The following IRX2 variants were observed in gnomAD, a reference collection of about 807,000 sequenced individuals.
IRX2 encodes the protein iroquois homeobox 2.
Under a neutral mutation model 42.9 loss-of-function variants are expected in IRX2, and 26 were observed. The ratio of observed to expected loss-of-function variants is 0.61; its 90% confidence interval spans 0.44 to 0.84. IRX2 has a LOEUF of 0.84. Among genes scored for constraint, IRX2 ranks in the 40% least tolerant of loss-of-function variants. The probability of loss-of-function intolerance (pLI) is 0.00; values close to 1 mark genes in which losing one functional copy is unlikely to be tolerated. For synonymous variants in IRX2, 424 were observed against 353.9 expected (o/e 1.20, Z -2.22); for missense variants, 782 against 713.9 (o/e 1.10, Z -1.09).
Position 2,747,592 on chromosome 5 carries a change from A to T in IRX2, c.1388T>A (p.Val463Asp), listed in dbSNP as rs544675899. The change falls in exon 4 of 4, where the codon GTT becomes GAT. Residue 463 changes from valine (V) to aspartate (D), a missense_variant. Val to Asp is a radical substitution (Grantham distance 152). Around this residue, in one of 3 missense-constraint regions of IRX2, gnomAD observed 520 missense variants for 437.8 expected, o/e 1.19. Coordinates refer to ENST00000302057, the MANE Select transcript of IRX2 (RefSeq NM_033267.5). ...TAGGTAGGGCTGGACGCCCCCGCCA[A>T]CCACGGTGCAGCCCTCGCTGGCATC... The part of the protein sequence containing the change: ...KKDASEGCTV[V>D]GGGVQPYL The T allele has an allele frequency of 2.4e-5, 38 of 1,614,040 alleles. No homozygotes were observed. In the South Asian group the frequency reaches 3.8e-4, roughly 16 times the overall value.
In IRX2 at chr5:2,747,620, T is replaced by C; in HGVS notation, c.1364-4A>G. The C allele has an allele frequency of 6.2e-7, 1 of 1,613,876 alleles. No homozygotes were observed. The highest frequency in any genetic ancestry group is 8.5e-7 in the Non-Finnish European group (1 of 1,179,908). ...ACGGTGCAGCCCTCGCTGGCATCTG[T>C]CAGGGGAGTGGGCAGTTAGTCAGAA... is the stretch of plus-strand genomic sequence containing the variant. On this transcript the variant is annotated splice_region_variant and splice_polypyrimidine_tract_variant and intron_variant, in intron 3 of 3. Coordinates refer to ENST00000302057, the MANE Select transcript of IRX2 (RefSeq NM_033267.5).
At chr5:2,741,658 C>A (rs1737542339), downstream of IRX2, among the ~76,000 whole-genome samples, 1 of 152,208 alleles carries the variant, frequency 6.6e-6, no homozygotes, top group Admixed American at 6.5e-5. Flanking sequence ...AGGAGTCACA[C>A]ACAATAAATT....
downstream of IRX2, among the ~76,000 whole-genome samples, chr5:2,745,184 C>A (rs180727443): frequency 2.0e-5 from 3 of 152,270 alleles, no homozygotes; most frequent in Admixed American, 1.3e-4. Context: ...CCCAGACCTC[C>A]CCCGCTGGGA....
the IRX2 span, chr5:2,736,861 T>C: frequency 6.6e-6 from 1 of 152,264 alleles, no homozygotes; most frequent in East Asian, 1.9e-4. Context: ...AATCATGCTT[T>C]GCACATATTT....
In IRX2 at chr5:2,747,322, T is replaced by TAAAAA; in HGVS notation, c.*241_*242insTTTTT. On this transcript the variant is annotated 3_prime_UTR_variant, in exon 4 of 4. Coordinates refer to ENST00000302057, the MANE Select transcript of IRX2 (RefSeq NM_033267.5). ...ACACACACACATATATATATATATT[T>TAAAAA]TTTTTTTCCTTCCCTAGGTAAAGGA... The TAAAAA allele has an allele frequency of 3.1e-6, 1 of 317,812 alleles. No individual in the cohort carries two copies. Among genetic ancestry groups the TAAAAA allele is most frequent in the Non-Finnish European group, 5.9e-6 (1 of 168,094 alleles). 19.7% of individuals were successfully genotyped at this position (317,812 alleles called of 1,614,324 possible).
chr5:2,742,863 T>A (rs1358506059), downstream of IRX2, among the ~76,000 whole-genome samples: 5 of 152,232 alleles, frequency 3.3e-5, no homozygotes, highest in Admixed American at 3.3e-4. Context: ...GTTTAGTATG[T>A]ACATTCACTC....
At chr5:2,740,555 G>A in the IRX2 span, among the ~76,000 whole-genome samples, 6 of 152,312 alleles carry the variant, frequency 3.9e-5, no homozygotes, top group African/African-American at 1.4e-4. Flanking sequence ...GGAGAGCCGG[G>A]AGCAACCCAG....
rs1372469897 is a variant in IRX2, at chr5:2,749,683, G to T, written c.354C>A (p.Arg118=). The change falls in exon 2 of 4, where the codon CGC becomes CGA. Residue 118 remains arginine, a synonymous_variant. Coordinates refer to ENST00000302057, the MANE Select transcript of IRX2 (RefSeq NM_033267.5). ...YPYQLNDPAY[R]KNATRDATAT... ...CCGTGGCGTCCCGCGTGGCGTTCTT[G>T]CGGTACGCGGGGTCGTTGAGCTGGT... The T allele has an allele frequency of 4.3e-6, 7 of 1,614,200 alleles. No individual in the cohort carries two copies. Among genetic ancestry groups the T allele is most frequent in the Non-Finnish European group, 5.9e-6 (7 of 1,180,034 alleles).
Position 2,747,631 on chromosome 5 carries a change from G to C in IRX2, c.1364-15C>G. On this transcript the variant is annotated splice_polypyrimidine_tract_variant and intron_variant, in intron 3 of 3. Transcript: ENST00000302057. ...CTCGCTGGCATCTGTCAGGGGAGTG[G>C]GCAGTTAGTCAGAACCGACCCCACA... The C allele has an allele frequency of 6.2e-7, 1 of 1,613,698 alleles. No individual in the cohort carries two copies. The highest frequency in any genetic ancestry group is 8.5e-7 in the Non-Finnish European group (1 of 1,179,842).
the IRX2 span, among the ~76,000 whole-genome samples, chr5:2,740,084 G>C: frequency 6.6e-6 from 1 of 152,218 alleles, no homozygotes; most frequent in African/African-American, 2.4e-5. Context: ...CGGAGGGCCC[G>C]ACTGGGTTTC....
chr5:2,749,321 C>A (rs1047958864), intron 2 of IRX2, 61 bp downstream of exon 2: 4 of 1,536,896 alleles, frequency 2.6e-6, no homozygotes, highest in Non-Finnish European at 3.5e-6. Context: ...CCCGCCTTAG[C>A]TCTGCGCCCC....
intron 2 of IRX2, 130 bp downstream of exon 2, chr5:2,749,252 C>A: frequency 6.9e-7 from 1 of 1,447,756 alleles, no homozygotes. Context: ...GACCCCAGGG[C>A]AATGTGGTGC....
chr5:2,736,862 G>A, the IRX2 span: 1 of 152,184 alleles, frequency 6.6e-6, no homozygotes, highest in Non-Finnish European at 1.5e-5. Context: ...ATCATGCTTT[G>A]CACATATTTT....
chr5:2,742,123 A>G (rs1434502135), downstream of IRX2, among the ~76,000 whole-genome samples: 4 of 152,196 alleles, frequency 2.6e-5, no homozygotes, highest in Admixed American at 6.5e-5. Context: ...GGCCACATCC[A>G]TCTGTTTCTA....
the IRX2 span, among the ~76,000 whole-genome samples, chr5:2,740,084 G>T: frequency 6.6e-6 from 1 of 152,100 alleles, no homozygotes; most frequent in Non-Finnish European, 1.5e-5. Context: ...CGGAGGGCCC[G>T]ACTGGGTTTC....
At chr5:2,737,326 GA>G in the IRX2 span, 2 of 152,282 alleles carry the variant, frequency 1.3e-5, no homozygotes, top group African/African-American at 4.8e-5. Context: ...GGTCAGCTGA[GA>G]AAGGAAAGAG....
intron 3 of IRX2, 72 bp downstream of exon 3, chr5:2,748,264 CCTCGGGTCT>C: frequency 7.9e-7 from 1 of 1,272,114 alleles, no homozygotes; most frequent in Non-Finnish European, 1.0e-6. Flanking sequence ...CCGGACCCTC[CCTCGGGTCT>C]CCCGGGCGCT....
At chr5:2,735,711 G>A in the IRX2 span, among the ~76,000 whole-genome samples, 1 of 152,126 alleles carries the variant, frequency 6.6e-6, no homozygotes, top group Non-Finnish European at 1.5e-5. Flanking sequence ...TCTATATGAT[G>A]TAAGCAGAGT....
chr5:2,750,255 G>T (rs1381283152), intron 1 of IRX2, among the ~76,000 whole-genome samples: 2 of 152,194 alleles, frequency 1.3e-5, no homozygotes, highest in Non-Finnish European at 2.9e-5. Context: ...AATCCAATTT[G>T]CAACTCAGAA....
Sources: gnomAD v4.1 joint callset for allele counts (sites outside exome capture counted in the v4.1 genomes callset) on GRCh38, gnomAD v4.1.1 for gene constraint, gnomAD v4.1.1 regional missense constraint, MANE v1.5 for transcripts, NCBI Gene and HGNC (gene_info 2026-07-23, HGNC 2026-07-21) for gene names.